Variants in ITGBL1 observed in about 807,000 individuals in gnomAD.
The protein encoded by ITGBL1 is integrin beta-like protein 1.
In ITGBL1, 51 loss-of-function variants were observed where a neutral mutation model predicts 68.5. That is an observed-to-expected ratio of 0.74 (90% CI 0.59 to 0.94). The LOEUF (loss-of-function observed/expected upper bound fraction) is 0.94. ITGBL1 is among the 40% of genes least tolerant of loss of function. The probability of loss-of-function intolerance (pLI) is 0.00; values close to 1 mark genes in which losing one functional copy is unlikely to be tolerated. For missense variants in ITGBL1, 649 were observed against 647.4 expected (o/e 1.00, Z -0.03); for synonymous variants, 209 against 227.3 (o/e 0.92, Z 0.72).
chr13:101,558,529 C>T (rs1056856422), intron 2 of ITGBL1, among the ~76,000 whole-genome samples: 1 of 152,106 alleles, frequency 6.6e-6, no homozygotes, highest in East Asian at 1.9e-4. Context: ...ACAAAGAGAA[C>T]GGAGAATGTC....
chr13:101,577,037 T>C lies in ITGBL1; in HGVS notation c.586+1491T>C, dbSNP rs2050374397. Among the ~76,000 whole-genome samples, 3 of 152,124 alleles carry C rather than the reference T, an allele frequency of 2.0e-5. No individual in the cohort carries two copies. The South Asian group carries it at 6.2e-4, about 32-fold the overall frequency. ...ACCACAAAAGCAGAGTCTATTTGCA[T>C]GTATCAATAGAAAAATGTAACTTGA... is the stretch of plus-strand genomic sequence containing the variant. On this transcript the variant is annotated intron_variant, in intron 4 of 10. Coordinates refer to ENST00000376180, the MANE Select transcript of ITGBL1 (RefSeq NM_004791.3).
chr13:101,621,797 G>A (rs1260270230), intron 7 of ITGBL1, among the ~76,000 whole-genome samples: 1 of 152,068 alleles, frequency 6.6e-6, no homozygotes, highest in Non-Finnish European at 1.5e-5. Flanking sequence ...GAGACTGTTG[G>A]CAATGACAAA....
chr13:101,672,720 C>G (rs2033408115), intron 7 of ITGBL1, among the ~76,000 whole-genome samples: 1 of 152,218 alleles, frequency 6.6e-6, no homozygotes. Flanking sequence ...AGATACCTCT[C>G]TCTGGCAAGA....
chr13:101,597,285 G>A (rs573841641), intron 6 of ITGBL1, among the ~76,000 whole-genome samples: 12 of 151,896 alleles, frequency 7.9e-5, no homozygotes, highest in South Asian at 4.2e-4. Flanking sequence ...GTTTGTTAGC[G>A]TGCTCTATAA....
At chr13:101,509,174 C>T (rs533688839) in intron 2 of ITGBL1, among the ~76,000 whole-genome samples, 16 of 152,168 alleles carry the variant, frequency 1.1e-4, no homozygotes, top group South Asian at 2.1e-4. Flanking sequence ...TCACATCTTA[C>T]GTGGATGGTG....
intron 7 of ITGBL1, among the ~76,000 whole-genome samples, chr13:101,683,303 C>T (rs777852670): frequency 6.6e-6 from 1 of 152,084 alleles, no homozygotes; most frequent in Admixed American, 6.5e-5. Context: ...GATAGTTAGA[C>T]GTGACTTTTT....
intron 2 of ITGBL1, among the ~76,000 whole-genome samples, chr13:101,527,460 A>C (rs1332027088): frequency 6.6e-6 from 1 of 152,090 alleles, no homozygotes; most frequent in Non-Finnish European, 1.5e-5. Context: ...TTCCTTCACC[A>C]TTCAACTATG....
intron 2 of ITGBL1, among the ~76,000 whole-genome samples, chr13:101,511,030 T>C (rs2049107518): frequency 6.6e-6 from 1 of 152,112 alleles, no homozygotes; most frequent in Non-Finnish European, 1.5e-5. Flanking sequence ...ATTTTTGTTT[T>C]TGTTGCAATT....
In ITGBL1 at chr13:101,587,362, C is replaced by G. The variant is rs74553923; in HGVS notation, c.868+4006C>G. ...ATGTGTGTTTGTGTATGTTCATTTG[C>G]CCATACACCAACATGACTGTTATAC... On this transcript the variant is annotated intron_variant, in intron 6 of 10. Coordinates refer to ENST00000376180, the MANE Select transcript of ITGBL1 (RefSeq NM_004791.3). Among the ~76,000 whole-genome samples, 1,380 of 152,216 alleles carry G rather than the reference C, an allele frequency of 9.1e-3. 21 individuals carry two copies. Among genetic ancestry groups the G allele is most frequent in the African/African-American group, 0.031 (1,304 of 41,546 alleles).
intron 5 of ITGBL1, among the ~76,000 whole-genome samples, chr13:101,582,450 G>T (rs1171744032): frequency 6.6e-6 from 1 of 152,146 alleles, no homozygotes. Context: ...ATGATTAGCT[G>T]GTTGCCCTAA....
At chr13:101,460,729 G>A (rs1000638408) in intron 2 of ITGBL1, among the ~76,000 whole-genome samples, 2 of 152,144 alleles carry the variant, frequency 1.3e-5, no homozygotes, top group African/African-American at 4.8e-5. Context: ...CTTCTGGTGA[G>A]GCCTCAGGAA....
At chr13:101,606,343 T>C (rs569554657) in intron 7 of ITGBL1, among the ~76,000 whole-genome samples, 1 of 151,438 alleles carries the variant, frequency 6.6e-6, no homozygotes, top group Non-Finnish European at 1.5e-5. Context: ...TGTGATTCCT[T>C]GATTTCTATA....
intron 8 of ITGBL1, among the ~76,000 whole-genome samples, chr13:101,700,236 A>G (rs1348826887): frequency 6.6e-6 from 1 of 151,980 alleles, no homozygotes; most frequent in Admixed American, 6.6e-5. Context: ...TCTGCCCTCA[A>G]CCTCTTTCTC....
chr13:101,674,766 T>C (rs926626045), intron 7 of ITGBL1, among the ~76,000 whole-genome samples: 1 of 152,126 alleles, frequency 6.6e-6, no homozygotes, highest in Non-Finnish European at 1.5e-5. Flanking sequence ...CTTTATGTTA[T>C]TTCTGTATCC....
intron 7 of ITGBL1, among the ~76,000 whole-genome samples, chr13:101,645,410 T>C (rs2032526452): frequency 6.6e-6 from 1 of 152,158 alleles, no homozygotes; most frequent in East Asian, 1.9e-4. Flanking sequence ...TTTCATTGAC[T>C]TTGATTGCAT....
At chr13:101,520,110 T>C (rs1381184471) in intron 2 of ITGBL1, among the ~76,000 whole-genome samples, 2 of 152,180 alleles carry the variant, frequency 1.3e-5, no homozygotes, top group African/African-American at 2.4e-5. Context: ...GCAGATCACA[T>C]AGAATTTGTA....
At chr13:101,677,173 A>G (rs2033525668) in intron 7 of ITGBL1, among the ~76,000 whole-genome samples, 1 of 152,182 alleles carries the variant, frequency 6.6e-6, no homozygotes. Flanking sequence ...GAGAAACCAT[A>G]AGTTATCTGA....
chr13:101,517,810 A>G (rs2049219979), intron 2 of ITGBL1, among the ~76,000 whole-genome samples: 1 of 152,152 alleles, frequency 6.6e-6, no homozygotes, highest in African/African-American at 2.4e-5. Flanking sequence ...AGAGTGCTAC[A>G]TTATTTGGGG....
At position 101,622,911 on chromosome 13, in the gene ITGBL1, A is replaced by ATGTGTG. The variant is rs756971096; in HGVS notation, c.1015+24615_1015+24616insGTGTGT. Among the ~76,000 whole-genome samples, 876 of 115,004 alleles carry ATGTGTG rather than the reference A, an allele frequency of 7.6e-3. 3 individuals carry two copies. The highest frequency in any genetic ancestry group is 0.022 in the East Asian group (107 of 4,872). 75.4% of individuals were successfully genotyped at this position (115,004 alleles called of 152,430 possible). On this transcript the variant is annotated intron_variant, in intron 7 of 10. Transcript: ENST00000376180. ...TGAGGCTGGGATGTGTGTGTGGGGTATGTATGTGTGTGTGTGTGTGTGTGT... is the reference window on the plus strand; with the variant it reads ...TGAGGCTGGGATGTGTGTGTGGGGTATGTGTGTGTATGTGTGTGTGTGTGTGTGTGT...
Sources: gnomAD v4.1 joint callset for allele counts (sites outside exome capture counted in the v4.1 genomes callset) on GRCh38, gnomAD v4.1.1 for gene constraint, MANE v1.5 for transcripts, NCBI Gene and HGNC (gene_info 2026-07-23, HGNC 2026-07-21) for gene names.